MRE11: variants seen among roughly 807,000 people sequenced by gnomAD.
MRE11 encodes MRE11 double strand break repair nuclease.
MRE11 carries 62 observed loss-of-function variants against 91.7 expected under a neutral mutation model. That is an observed-to-expected ratio of 0.68 (90% confidence interval 0.55 to 0.84). MRE11 has a LOEUF of 0.84. Among genes scored for constraint, MRE11 ranks in the 40% least tolerant of loss-of-function variants. The pLI, the probability that MRE11 is intolerant of heterozygous loss-of-function variation, is 0.00. For missense variants in MRE11, 796 were observed against 852.9 expected, an observed-to-expected ratio of 0.93 and a Z score of 0.83; for synonymous variants, 273 against 271.4, an observed-to-expected ratio of 1.01 and a Z score of -0.06.
chr11:94,434,486 G>A (rs946185528), intron 18 of MRE11, among the ~76,000 whole-genome samples: 1 of 151,786 alleles, frequency 6.6e-6, no homozygotes, highest in African/African-American at 2.4e-5. Context: ...TCTTCTCCTT[G>A]GATAATCAAG....
rs1222050856 is a variant in MRE11, at chr11:94,415,597, A to G, written c.*4528T>C. 6.6e-6 allele frequency: 1 copy of G among 152,220 alleles called. No homozygotes were observed. The highest frequency in any genetic ancestry group is 2.1e-4 in the South Asian group (1 of 4,834). 9.4% of individuals were successfully genotyped at this position (152,220 alleles called of 1,614,324 possible). The stretch of plus-strand genomic sequence containing the variant: ...TTAATGTCAAGGCACCACAGATTAA[A>G]TATCCTTTTATTTGACTCAAACTGA... On this transcript the variant is annotated 3_prime_UTR_variant, in exon 20 of 20. Coordinates refer to ENST00000323929, the MANE Select transcript of MRE11 (RefSeq NM_005591.4).
At chr11:94,456,469 A>G in intron 13 of MRE11, 131 bp from the exon 14 acceptor site, 2 of 731,268 alleles carry the variant, frequency 2.7e-6, no homozygotes, top group Non-Finnish European at 2.3e-6. Flanking sequence ...ACAAAAGTAA[A>G]TCATATTTTT....
At chr11:94,475,160 A>G (rs2135064529) in intron 7 of MRE11, 1 of 154,664 alleles carries the variant, frequency 6.5e-6, no homozygotes, top group East Asian at 1.9e-4. Context: ...GTATTGGCAG[A>G]TTCGTGGATT....
intron 2 of MRE11, chr11:94,492,579 A>G (rs766855627): frequency 6.7e-6 from 6 of 899,202 alleles, no homozygotes; most frequent in African/African-American, 1.7e-5. Context: ...CAAGACTCCA[A>G]TCTATAGCTG....
the MRE11 span, among the ~76,000 whole-genome samples, chr11:94,510,972 C>G: frequency 2.0e-5 from 3 of 152,130 alleles, no homozygotes; most frequent in Non-Finnish European, 4.4e-5. Flanking sequence ...CATATAATAG[C>G]TCCTGACACA....
upstream of MRE11, chr11:94,494,247 G>C (rs1400318251): frequency 6.6e-6 from 1 of 152,248 alleles, no homozygotes; most frequent in African/African-American, 2.4e-5. Context: ...TGAGCTCCCG[G>C]CTGGTGGCAG....
chr11:94,419,340 A>G lies in MRE11; in HGVS notation c.*785T>C, dbSNP rs984426178. On this transcript the variant is annotated 3_prime_UTR_variant, in exon 20 of 20. Transcript: ENST00000323929. Reference sequence around the variant, plus strand: ...CCACTCTACCTAAAACAAATTCTTCAATATTTTCAAGATGTAGTTTAAAAC... The same window carrying G: ...CCACTCTACCTAAAACAAATTCTTCGATATTTTCAAGATGTAGTTTAAAAC... 3.0e-5 allele frequency: 7 copies of G among 232,836 alleles called. No homozygotes were observed. The highest frequency in any genetic ancestry group is 1.3e-4 in the African/African-American group (6 of 45,300). 14.4% of individuals were successfully genotyped at this position (232,836 alleles called of 1,614,324 possible).
chr11:94,512,069 C>T, the MRE11 span, among the ~76,000 whole-genome samples: 1 of 152,208 alleles, frequency 6.6e-6, no homozygotes, highest in Admixed American at 6.5e-5. Context: ...GTGAAACCAG[C>T]GACGGTGCCT....
At position 94,467,801 on chromosome 11, in the gene MRE11, A is replaced by C; in HGVS notation, c.1098+12T>G. 1.9e-6 allele frequency: 3 copies of C among 1,592,912 alleles called. No homozygotes were observed. The highest frequency in any genetic ancestry group is 2.6e-6 in the Non-Finnish European group (3 of 1,161,222). ...AAATTAATAATATTCAATCTATATA[A>C]ATAGGACTTACTCGCAGTCGTACAA... is the stretch of plus-strand genomic sequence containing the variant. On this transcript the variant is annotated intron_variant, in intron 10 of 19. Transcript: ENST00000323929.
At position 94,419,958 on chromosome 11, in the gene MRE11, A is replaced by T. The variant is rs1427206819; in HGVS notation, c.*167T>A. The T allele has an allele frequency of 4.4e-5, 23 of 517,406 alleles. No homozygotes were observed. The East Asian group carries it at 6.4e-4, about 14-fold the overall frequency. The allele number at this position is 517,406 out of a possible 1,614,324, so 32.1% of individuals were successfully genotyped here. A position where few individuals can be genotyped will look rare whatever the true frequency, so the allele number is the denominator to read the frequency against. ...AAGCTCTTACTACAACAACCAGGTT[A>T]AAAAAACAAGGTGAATCAATGCTAT... On this transcript the variant is annotated 3_prime_UTR_variant, in exon 20 of 20. Coordinates refer to ENST00000323929, the MANE Select transcript of MRE11 (RefSeq NM_005591.4).
At chr11:94,422,326 G>C (rs1945191946) in intron 19 of MRE11, among the ~76,000 whole-genome samples, 1 of 152,078 alleles carries the variant, frequency 6.6e-6, no homozygotes, top group South Asian at 2.1e-4. Context: ...ACGCGATCTG[G>C]AACTGGAGTT....
upstream of MRE11, chr11:94,498,083 C>T (rs1361548385): frequency 3.7e-6 from 6 of 1,608,446 alleles, no homozygotes; most frequent in South Asian, 1.1e-5. Flanking sequence ...TACCACAGTG[C>T]GGAGACTCCT....
intron 3 of MRE11, among the ~76,000 whole-genome samples, chr11:94,487,879 A>C (rs112974448): frequency 6.6e-6 from 1 of 152,234 alleles, no homozygotes; most frequent in Non-Finnish European, 1.5e-5. Flanking sequence ...TTTTTAAAAA[A>C]AGACTCCAAG....
At chr11:94,435,951 A>G (rs1945599321) in intron 17 of MRE11, 52 bp from the exon 18 acceptor site, 1 of 1,451,030 alleles carries the variant, frequency 6.9e-7, no homozygotes, top group Non-Finnish European at 9.7e-7. Context: ...GACTCTGAAT[A>G]AAAATGAAAA....
intron 16 of MRE11, among the ~76,000 whole-genome samples, chr11:94,438,213 A>G (rs1052776128): frequency 6.6e-6 from 1 of 152,188 alleles, no homozygotes; most frequent in African/African-American, 2.4e-5. Context: ...ATGCCTTACC[A>G]GTTTGCTAAT....
At chr11:94,449,612 T>C (rs1010796596) in intron 14 of MRE11, among the ~76,000 whole-genome samples, 10 of 152,226 alleles carry the variant, frequency 6.6e-5, no homozygotes, top group Admixed American at 1.3e-4. Flanking sequence ...TAGTCATGCA[T>C]TGCTTAATGA....
intron 9 of MRE11, 28 bp from the exon 10 acceptor site, chr11:94,467,921 CAACG>C (rs776855821): frequency 6.3e-7 from 1 of 1,582,100 alleles, no homozygotes; most frequent in Non-Finnish European, 8.7e-7. Context: ...GATTAAAAAA[CAACG>C]TAGTAAACTG....
chr11:94,505,296 A>G, the MRE11 span, among the ~76,000 whole-genome samples: 1 of 152,220 alleles, frequency 6.6e-6, no homozygotes, highest in Non-Finnish European at 1.5e-5. Context: ...AGGAGATGAC[A>G]TAGGAATAAC....
rs371009918 is a variant in MRE11, at chr11:94,434,869, G to A, written c.1994+963C>T. On this transcript the variant is annotated intron_variant, in intron 18 of 19. Coordinates refer to ENST00000323929, the MANE Select transcript of MRE11 (RefSeq NM_005591.4). ...AGGCAGAGGCCATATTAAAACATTC[G>A]TTATGCCCCTCCCTCATCAGACCTA... Among the ~76,000 whole-genome samples, 39 of 152,212 alleles carry A rather than the reference G, an allele frequency of 2.6e-4. No individual in the cohort carries two copies. In the South Asian group the frequency reaches 7.7e-3, roughly 30 times the overall value.
Sources: gnomAD v4.1 joint callset for allele counts (sites outside exome capture counted in the v4.1 genomes callset) on GRCh38, gnomAD v4.1.1 for gene constraint, MANE v1.5 for transcripts, NCBI Gene and HGNC (gene_info 2026-07-23, HGNC 2026-07-21) for gene names.